Variants in SLC35C1 observed in about 807,000 individuals in gnomAD.
The protein encoded by SLC35C1 is GDP-fucose transporter 1.
SLC35C1 carries 8 observed loss-of-function variants against 23.2 expected under a neutral mutation model. That is an observed-to-expected ratio of 0.35 (90% CI 0.20 to 0.62). The LOEUF (loss-of-function observed/expected upper bound fraction) is 0.62. Among genes scored for constraint, SLC35C1 ranks in the 20% least tolerant of loss-of-function variants. The pLI is 0.75. For synonymous variants in SLC35C1, 226 were observed against 225.1 expected (o/e 1.00, Z -0.04); for missense variants, 422 against 478.6 (o/e 0.88, Z 1.10).
chr11:45,809,923 C>T, intron 1 of SLC35C1: 1 of 985,192 alleles, frequency 1.0e-6, no homozygotes. Flanking sequence ...CAGTAAGAGT[C>T]CAGGTTCTGG....
chr11:45,810,523 A>G, intron 1 of SLC35C1: 1 of 985,338 alleles, frequency 1.0e-6, no homozygotes, highest in Non-Finnish European at 1.2e-6. Flanking sequence ...ATTTGTTTTA[A>G]TGTCTTTCTC....
In SLC35C1 at chr11:45,811,060, G is replaced by T; in HGVS notation, c.820G>T (p.Gly274Cys). The T allele has an allele frequency of 5.0e-6, 8 of 1,613,096 alleles. No homozygotes were observed. The highest frequency in any genetic ancestry group is 5.9e-6 in the Non-Finnish European group (7 of 1,180,030). The change falls in exon 2 of 2, where the codon GGC becomes TGC. Residue 274 changes from glycine to cysteine, a missense_variant. Physicochemically the swap from Gly to Cys is radical, Grantham distance 159. Coordinates refer to ENST00000314134, the MANE Select transcript of SLC35C1 (RefSeq NM_018389.5). ...CTTCTGGGGGATGATGACGCTGGGC[G>T]GCCTGTTTGGCTTTGCCATCGGCTA... ...AHFWGMMTLG[G>C]LFGFAIGYVT...
intron 1 of SLC35C1, among the ~76,000 whole-genome samples, chr11:45,808,479 C>T (rs527697862): frequency 2.6e-5 from 4 of 151,736 alleles, no homozygotes; most frequent in African/African-American, 7.2e-5. Context: ...CCAGCCTGGG[C>T]GACAGAGCAA....
chr11:45,810,817 AC>A lies in SLC35C1; in HGVS notation c.580del (p.Leu194CysfsTer37). On this transcript the variant is annotated frameshift_variant, in exon 2 of 2. Transcript: ENST00000314134. LOFTEE classifies it high-confidence loss of function. ...TGTGGACCAGGAGGGGGCAGAAGGC[AC>A]CCTGTCGTGGCTGGGCACCGTCTTC... ...LGVDQEGAEG[T>X]LSWLGTVFGV... 1 of 1,612,864 alleles carries A rather than the reference AC, an allele frequency of 6.2e-7. No homozygotes were observed. Among genetic ancestry groups the A allele is most frequent in the Non-Finnish European group, 8.5e-7 (1 of 1,179,998 alleles).
In SLC35C1 at chr11:45,811,437, T is replaced by C. The variant is rs2085947536; in HGVS notation, c.*102T>C. On this transcript the variant is annotated 3_prime_UTR_variant, in exon 2 of 2. Transcript: ENST00000314134. ...CCTGGACCCCAGAAGCGTGCTGTGG[T>C]GTGGACTGGGTGCTACTTATAGACC... 4 of 996,680 alleles carry C rather than the reference T, an allele frequency of 4.0e-6. No individual in the cohort carries two copies. Among genetic ancestry groups the C allele is most frequent in the Non-Finnish European group, 5.7e-6 (4 of 702,986 alleles). The allele number at this position is 996,680 out of a possible 1,614,324, so 61.7% of individuals were successfully genotyped here.
At chr11:45,809,610 G>C (rs377214259) in intron 1 of SLC35C1, among the ~76,000 whole-genome samples, 2 of 152,188 alleles carry the variant, frequency 1.3e-5, no homozygotes, top group Non-Finnish European at 2.9e-5. Context: ...CAGTTGCAAG[G>C]TGGAGAGTAG....
chr11:45,804,991 G>C, upstream of SLC35C1: 1 of 985,770 alleles, frequency 1.0e-6, no homozygotes, highest in South Asian at 4.7e-5. Flanking sequence ...TCCCCCGCCA[G>C]CAGCGGGCAG....
chr11:45,806,773 C>G (rs2085882540), intron 1 of SLC35C1: 2 of 390,982 alleles, frequency 5.1e-6, no homozygotes, highest in Non-Finnish European at 7.0e-6. Context: ...CTCAAGCAAT[C>G]TGGCTTCACA....
intron 1 of SLC35C1, chr11:45,810,484 C>A: frequency 1.0e-6 from 1 of 985,020 alleles, no homozygotes; most frequent in Non-Finnish European, 1.2e-6. Context: ...ACAATTCTTA[C>A]AATTGTAATT....
intron 1 of SLC35C1, chr11:45,806,788 A>G (rs554039955): frequency 1.8e-6 from 1 of 560,608 alleles, no homozygotes; most frequent in South Asian, 7.8e-5. Context: ...TTCACAGTTC[A>G]CATGCCCGAC....
At position 45,805,720 on chromosome 11, in the gene SLC35C1, C is replaced by G. The variant is rs1414772273; in HGVS notation, c.-82C>G. 3 of 1,597,330 alleles carry G rather than the reference C, an allele frequency of 1.9e-6. No individual in the cohort carries two copies. Among genetic ancestry groups the G allele is most frequent in the Non-Finnish European group, 2.5e-6 (3 of 1,178,804 alleles). On this transcript the variant is annotated 5_prime_UTR_variant, in exon 1 of 2. Transcript: ENST00000314134. The stretch of plus-strand genomic sequence containing the variant: ...ACAATGGAGGGCTGCGGCTTCCTTG[C>G]GGAGAGCACAAGTGAGCTCACTGCC...
rs770499899 is a variant in SLC35C1 at position 45,811,142 on chromosome 11, C to T, written c.902C>T (p.Thr301Met). 1.1e-5 allele frequency: 18 copies of T among 1,611,426 alleles called. No homozygotes were observed. Among genetic ancestry groups the T allele is most frequent in the Admixed American group, 6.7e-5 (4 of 60,016 alleles). The change falls in exon 2 of 2, where the codon ACG becomes ATG. Residue 301 changes from threonine to methionine, a missense_variant. Thr to Met is a moderately conservative substitution (Grantham distance 81, BLOSUM62 -1). Transcript: ENST00000314134. The part of the protein sequence containing the change: ...TSPLTHNVSG[T>M]AKACAQTVLA... ...CCGCTGACCCACAATGTGTCGGGCA[C>T]GGCCAAGGCCTGTGCCCAGACAGTG... is the stretch of plus-strand genomic sequence containing the variant.
At position 45,810,794 on chromosome 11, in the gene SLC35C1, T is replaced by C; in HGVS notation, c.554T>C (p.Val185Ala). The change falls in exon 2 of 2, where the codon GTG (valine) becomes GCG (alanine). Residue 185 changes from valine (V) to alanine (A), a missense_variant. Physicochemically the swap from Val to Ala is moderately conservative, Grantham distance 64. Transcript: ENST00000314134. ...ACTGCAGGGGGCTTCTGGCTTGGTG[T>C]GGACCAGGAGGGGGCAGAAGGCACC... ...GIIIGGFWLG[V>A]DQEGAEGTLS... is the part of the protein sequence containing the mutation. The C allele has an allele frequency of 6.2e-7, 1 of 1,612,364 alleles. No homozygotes were observed. The highest frequency in any genetic ancestry group is 1.1e-5 in the South Asian group (1 of 91,054).
chr11:45,810,145 T>C (rs1405424109), intron 1 of SLC35C1: 3 of 985,190 alleles, frequency 3.0e-6, no homozygotes, highest in Non-Finnish European at 3.6e-6. Flanking sequence ...AGGAGTGTAG[T>C]CCTCATGGCA....
intron 1 of SLC35C1, among the ~76,000 whole-genome samples, chr11:45,807,778 C>T (rs10444289): frequency 0.053 from 8,037 of 152,152 alleles, 303 homozygotes; most frequent in Non-Finnish European, 0.076. Flanking sequence ...CAAGACCCCC[C>T]CTGCCAGAAC....
chr11:45,810,355 ACTAAGTGGCACT>A, intron 1 of SLC35C1: 2 of 985,402 alleles, frequency 2.0e-6, no homozygotes, highest in East Asian at 1.1e-4. Context: ...CACATTAACC[ACTAAGTGGCACT>A]CATTCTTCAG....
chr11:45,810,053 G>C (rs990776081), intron 1 of SLC35C1: 1 of 985,454 alleles, frequency 1.0e-6, no homozygotes, highest in South Asian at 4.7e-5. Flanking sequence ...CTGAGGCCCA[G>C]GGTGAGAAGC....
At position 45,805,584 on chromosome 11, in the gene SLC35C1, G is replaced by GC. The variant is rs2085860873; in HGVS notation, c.-213dup. 1 of 1,454,656 alleles carries GC rather than the reference G, an allele frequency of 6.9e-7. No individual in the cohort carries two copies. The highest frequency in any genetic ancestry group is 2.5e-5 in the East Asian group (1 of 39,872). 90.1% of individuals were successfully genotyped at this position (1,454,656 alleles called of 1,614,324 possible). ...CCCTTGCCCTGTGTCTTGTCTCAGAGCCCCCTCGGGGTGGGAGTAGGTTGT... is the reference window on the plus strand; with the variant it reads ...CCCTTGCCCTGTGTCTTGTCTCAGAGCCCCCCTCGGGGTGGGAGTAGGTTGT... On this transcript the variant is annotated 5_prime_UTR_variant, in exon 1 of 2. An upstream open reading frame in the 5' UTR loses its in-frame stop. Coordinates refer to ENST00000314134, the MANE Select transcript of SLC35C1 (RefSeq NM_018389.5).
At chr11:45,804,749 G>A, upstream of SLC35C1, 1 of 985,846 alleles carries the variant, frequency 1.0e-6, no homozygotes, top group Non-Finnish European at 1.2e-6. Context: ...TTGGCAGAGG[G>A]ACGCGGGGCT....
Sources: allele counts gnomAD v4.1 joint callset (sites outside exome capture counted in the v4.1 genomes callset), GRCh38; gene constraint gnomAD v4.1.1; transcripts MANE v1.5; gene names NCBI Gene and HGNC (gene_info 2026-07-23, HGNC 2026-07-21).